Variants in LRRC7 observed in about 807,000 individuals in gnomAD.
LRRC7 encodes leucine rich repeat containing 7, also known as leucine-rich repeat-containing protein 7.
In LRRC7, 23 loss-of-function variants were observed where a neutral mutation model predicts 175.7. That is an observed-to-expected ratio of 0.13 (90% CI 0.09 to 0.19). The LOEUF (loss-of-function observed/expected upper bound fraction) is 0.19. Ranked by LOEUF, LRRC7 falls within the 10% of genes least tolerant of loss-of-function variation. The pLI, the probability that LRRC7 is intolerant of heterozygous loss-of-function variation, is 1.00. For missense variants in LRRC7, 1,354 were observed against 1,904.7 expected, an observed-to-expected ratio of 0.71 and a Z score of 5.38; for synonymous variants, 685 against 680.9, an observed-to-expected ratio of 1.01 and a Z score of -0.09.
At chr1:69,722,862 A>G (rs1400093034) in intron 2 of LRRC7, among the ~76,000 whole-genome samples, 1 of 152,000 alleles carries the variant, frequency 6.6e-6, no homozygotes, top group Non-Finnish European at 1.5e-5. Flanking sequence ...GGTATACACC[A>G]TACTGTTTGT....
intron 5 of LRRC7, among the ~76,000 whole-genome samples, chr1:69,831,791 T>A (rs1680552951): frequency 6.6e-6 from 1 of 152,120 alleles, no homozygotes; most frequent in Non-Finnish European, 1.5e-5. Context: ...TAATATACAG[T>A]AAGTCTTCAC....
chr1:69,684,889 T>C (rs943256884), intron 2 of LRRC7, among the ~76,000 whole-genome samples: 3 of 152,188 alleles, frequency 2.0e-5, no homozygotes, highest in African/African-American at 7.2e-5. Flanking sequence ...AACAGAACAG[T>C]AAGGCCCCAG....
intron 1 of LRRC7, among the ~76,000 whole-genome samples, chr1:69,569,709 C>G (rs1008082233): frequency 6.6e-6 from 1 of 152,038 alleles, no homozygotes; most frequent in Non-Finnish European, 1.5e-5. Context: ...ATAAAGGACC[C>G]GCCTCCGCCC....
At chr1:69,871,492 T>C (rs1685534211) in intron 7 of LRRC7, among the ~76,000 whole-genome samples, 2 of 152,036 alleles carry the variant, frequency 1.3e-5, no homozygotes, top group African/African-American at 2.4e-5. Flanking sequence ...GTGTTTGAAT[T>C]TGAGCTATGT....
intron 1 of LRRC7, among the ~76,000 whole-genome samples, chr1:69,660,332 TTAAC>T (rs781383335): frequency 4.6e-5 from 7 of 151,972 alleles, no homozygotes; most frequent in South Asian, 2.1e-4. Flanking sequence ...AATAGACAAA[TTAAC>T]TATCATATTG....
At chr1:69,766,110 G>A (rs1247376455) in intron 3 of LRRC7, among the ~76,000 whole-genome samples, 2 of 151,982 alleles carry the variant, frequency 1.3e-5, no homozygotes, top group Non-Finnish European at 2.9e-5. Context: ...AAAGTGAAAT[G>A]ATAGTATAAA....
intron 4 of LRRC7, among the ~76,000 whole-genome samples, chr1:69,823,951 C>A (rs1679602895): frequency 6.6e-6 from 1 of 152,096 alleles, no homozygotes; most frequent in Non-Finnish European, 1.5e-5. Context: ...CCATCTCGAG[C>A]CAACAGACTG....
chr1:69,659,225 G>A (rs184522559), intron 1 of LRRC7, among the ~76,000 whole-genome samples: 32 of 152,046 alleles, frequency 2.1e-4, no homozygotes, highest in African/African-American at 7.0e-4. Context: ...AGAGGTTGCT[G>A]AGCCAGAAAA....
intron 1 of LRRC7, among the ~76,000 whole-genome samples, chr1:69,641,724 CT>C (rs143683375): frequency 0.024 from 3,674 of 150,584 alleles, 127 homozygotes; most frequent in African/African-American, 0.084. Context: ...TATAAGCACA[CT>C]TTTTTTTTAG....
At chr1:69,750,090 A>C (rs1176712418) in intron 2 of LRRC7, among the ~76,000 whole-genome samples, 1 of 125,844 alleles carries the variant, frequency 7.9e-6, no homozygotes, top group African/African-American at 3.2e-5. Context: ...ATAAATAAAT[A>C]AATAATAATA....
At chr1:69,964,578 T>A (rs1651478259) in intron 8 of LRRC7, among the ~76,000 whole-genome samples, 1 of 152,232 alleles carries the variant, frequency 6.6e-6, no homozygotes, top group African/African-American at 2.4e-5. Flanking sequence ...TTACTCTATT[T>A]ATAGCTTCTA....
intron 22 of LRRC7, among the ~76,000 whole-genome samples, chr1:70,046,002 A>G (rs1660301050): frequency 2.6e-5 from 4 of 152,254 alleles, no homozygotes; most frequent in Admixed American, 2.0e-4. Flanking sequence ...CAGCCAAACC[A>G]TATCAAACCT....
chr1:69,798,591 C>T (rs954406028), intron 4 of LRRC7, among the ~76,000 whole-genome samples: 5 of 151,988 alleles, frequency 3.3e-5, no homozygotes. Flanking sequence ...CACCAATGTA[C>T]CCATCATGGA....
Position 69,909,113 on chromosome 1 carries a change from A to G in LRRC7, c.648-22394A>G, listed in dbSNP as rs375190380. Among the ~76,000 whole-genome samples the G allele has an allele frequency of 5.3e-5, 8 of 150,514 alleles. No homozygotes were observed. In the East Asian group the frequency reaches 1.4e-3, roughly 26 times the overall value. ...GCAACCCCTGCCTTTTTTTGTTTCC[A>G]TTTGTTTGGTAGATCTTCCTCCATC... On this transcript the variant is annotated intron_variant, in intron 7 of 26. Coordinates refer to ENST00000651989, the MANE Select transcript of LRRC7 (RefSeq NM_001370785.2).
At chr1:70,111,455 T>C (rs1046744065) in intron 26 of LRRC7, among the ~76,000 whole-genome samples, 2 of 152,162 alleles carry the variant, frequency 1.3e-5, no homozygotes, top group African/African-American at 2.4e-5. Flanking sequence ...AGTTCAATTA[T>C]ATAACAGTAA....
At chr1:69,999,223 T>G (rs943100455) in intron 11 of LRRC7, among the ~76,000 whole-genome samples, 6 of 152,202 alleles carry the variant, frequency 3.9e-5, no homozygotes, top group African/African-American at 1.4e-4. Flanking sequence ...ACTACTGTAT[T>G]CAAAAGGAAC....
intron 25 of LRRC7, among the ~76,000 whole-genome samples, chr1:70,099,376 G>A (rs1289726723): frequency 7.4e-6 from 1 of 136,020 alleles, no homozygotes; most frequent in African/African-American, 2.8e-5. Context: ...TACTGAATGG[G>A]CAAAAACTGG....
chr1:69,782,551 G>T (rs1188983947), intron 3 of LRRC7, among the ~76,000 whole-genome samples: 6 of 152,146 alleles, frequency 3.9e-5, no homozygotes, highest in Admixed American at 2.6e-4. Flanking sequence ...AAACACAGCT[G>T]CTGAGTGTGG....
chr1:69,772,265 A>G (rs1672327623), intron 3 of LRRC7, among the ~76,000 whole-genome samples: 1 of 152,228 alleles, frequency 6.6e-6, no homozygotes, highest in Non-Finnish European at 1.5e-5. Flanking sequence ...CGAGGGGTCA[A>G]CCATGCAAGA....
Sources: allele counts gnomAD v4.1 joint callset (sites outside exome capture counted in the v4.1 genomes callset), GRCh38; gene constraint gnomAD v4.1.1; transcripts MANE v1.5; gene names NCBI Gene and HGNC (gene_info 2026-07-23, HGNC 2026-07-21).